The following TBC1D1 variants were observed in gnomAD, a reference collection of about 807,000 sequenced individuals.
TBC1D1 encodes the protein TBC1 (tre-2/USP6, BUB2, cdc16) domain family, member 1.
TBC1D1 carries 89 observed loss-of-function variants against 125.6 expected under a neutral mutation model. The ratio of observed to expected loss-of-function variants is 0.71; its 90% CI spans 0.60 to 0.85. TBC1D1 has a LOEUF of 0.85. Among genes scored for constraint, TBC1D1 ranks in the 40% least tolerant of loss-of-function variants. The pLI is 0.00. For missense variants in TBC1D1, 1,377 were observed against 1,469.2 expected (o/e 0.94, Z 1.03); for synonymous variants, 565 against 564.1 (o/e 1.00, Z -0.02).
chr4:37,965,583 G>T (rs1288990693), intron 2 of TBC1D1, among the ~76,000 whole-genome samples: 2 of 151,982 alleles, frequency 1.3e-5, no homozygotes, highest in Non-Finnish European at 2.9e-5. Context: ...TACTTGTGTT[G>T]TCCCTGAGAA....
At chr4:38,039,977 C>T (rs1018246137) in intron 8 of TBC1D1, among the ~76,000 whole-genome samples, 1 of 151,556 alleles carries the variant, frequency 6.6e-6, no homozygotes, top group African/African-American at 2.4e-5. Flanking sequence ...AAATTATTGT[C>T]TAAGAACCAG....
At chr4:38,045,941 C>A in intron 10 of TBC1D1, 38 bp downstream of exon 10, 1 of 1,556,306 alleles carries the variant, frequency 6.4e-7, no homozygotes, top group Non-Finnish European at 8.9e-7. Context: ...CCTGAAGAAA[C>A]CAACAAATAG....
chr4:37,926,602 A>C (rs577094706), intron 2 of TBC1D1, among the ~76,000 whole-genome samples: 1 of 152,152 alleles, frequency 6.6e-6, no homozygotes, highest in East Asian at 1.9e-4. Flanking sequence ...CCCCACTTCT[A>C]GGTGAGCCCT....
intron 8 of TBC1D1, among the ~76,000 whole-genome samples, chr4:38,039,203 C>T (rs548049492): frequency 3.0e-4 from 43 of 142,578 alleles, no homozygotes; most frequent in Middle Eastern, 3.8e-3. Context: ...CTGCAAGCCC[C>T]GCCTCCCAAG....
intron 2 of TBC1D1, among the ~76,000 whole-genome samples, chr4:38,008,685 A>G (rs994398982): frequency 4.6e-5 from 7 of 152,214 alleles, no homozygotes; most frequent in African/African-American, 1.7e-4. Flanking sequence ...CCTTGGCAAG[A>G]TGTAACACAT....
intron 2 of TBC1D1, among the ~76,000 whole-genome samples, chr4:37,943,331 A>G (rs1002177566): frequency 6.6e-6 from 1 of 152,084 alleles, no homozygotes; most frequent in Non-Finnish European, 1.5e-5. Context: ...TACTCTTCTC[A>G]AGGAGTATCT....
rs1471055444 is a variant in TBC1D1, at chr4:38,014,624, G to T, written c.533G>T (p.Cys178Phe). 1.9e-6 allele frequency: 3 copies of T among 1,613,300 alleles called. No individual in the cohort carries two copies. Among genetic ancestry groups the T allele is most frequent in the Admixed American group, 3.3e-5 (2 of 60,012 alleles). Reference sequence around the variant, plus strand: ...TCCAAGAAGTTCGAGGTGCTCTTCTGCGGCCGCGTGACGGTGGCGCACAAG... The same window carrying T: ...TCCAAGAAGTTCGAGGTGCTCTTCTTCGGCCGCGTGACGGTGGCGCACAAG... Residue 178 changes from cysteine (C) to phenylalanine (F), a missense_variant, in exon 3 of 20, where the codon TGC becomes TTC. By Grantham distance (205) the Cys-to-Phe change is radical. Transcript: ENST00000261439. This position sits in a 1 kb window ranked among gnomAD's most constrained non-coding sequence, Gnocchi z 5.1.
intron 1 of TBC1D1, among the ~76,000 whole-genome samples, chr4:37,899,974 A>AG (rs1715496554): frequency 6.6e-6 from 1 of 150,384 alleles, no homozygotes; most frequent in African/African-American, 2.4e-5. Flanking sequence ...CAAAAGAATT[A>AG]GCCGGGCGCG....
intron 12 of TBC1D1, among the ~76,000 whole-genome samples, chr4:38,069,901 T>C (rs1045657257): frequency 2.6e-5 from 4 of 152,164 alleles, no homozygotes; most frequent in Non-Finnish European, 5.9e-5. Flanking sequence ...GCTCATCAGC[T>C]ATTGTTAGTG....
chr4:37,923,779 A>G (rs1443228669), intron 2 of TBC1D1, among the ~76,000 whole-genome samples: 3 of 150,684 alleles, frequency 2.0e-5, no homozygotes, highest in African/African-American at 7.4e-5. Context: ...TCCCAGGTTC[A>G]AGTGATTCTC....
chr4:38,057,480 A>G (rs887630283), intron 12 of TBC1D1, among the ~76,000 whole-genome samples: 5 of 152,138 alleles, frequency 3.3e-5, no homozygotes, highest in Non-Finnish European at 5.9e-5. Context: ...GATTCTTGCA[A>G]ACTTAGTGAT....
rs560474452 is a variant in TBC1D1, at chr4:38,085,960, A to G, written c.2051-3972A>G. Among the ~76,000 whole-genome samples, 4 of 152,296 alleles carry G rather than the reference A, an allele frequency of 2.6e-5. No individual in the cohort carries two copies. In the South Asian group the frequency reaches 6.2e-4, roughly 24 times the overall value. ...CACGCCTGAAGGAGGACTGATTACA[A>G]ACCAAAGCCTTGTGCCCAGTCTGGA... is the stretch of plus-strand genomic sequence containing the variant. On this transcript the variant is annotated intron_variant, in intron 12 of 19. Transcript: ENST00000261439.
intron 7 of TBC1D1, among the ~76,000 whole-genome samples, chr4:38,035,221 C>T (rs546040292): frequency 6.6e-6 from 1 of 152,166 alleles, no homozygotes; most frequent in Non-Finnish European, 1.5e-5. Context: ...CTTGCCCGTT[C>T]CCTAAGAGTT....
intron 2 of TBC1D1, among the ~76,000 whole-genome samples, chr4:37,979,738 G>A (rs568412683): frequency 1.3e-5 from 2 of 152,296 alleles, no homozygotes; most frequent in East Asian, 1.9e-4. Flanking sequence ...GAAGGGGTGG[G>A]TGTCGGTTGA....
chr4:37,969,722 A>G (rs1194705203), intron 2 of TBC1D1, among the ~76,000 whole-genome samples: 1 of 152,212 alleles, frequency 6.6e-6, no homozygotes, highest in Non-Finnish European at 1.5e-5. Context: ...TCATTCAATC[A>G]TCATCACACA....
chr4:38,026,470 TCAGCAGATTTC>T (rs1745107305), intron 6 of TBC1D1, among the ~76,000 whole-genome samples: 1 of 152,218 alleles, frequency 6.6e-6, no homozygotes, highest in East Asian at 1.9e-4. Flanking sequence ...AGTCCCTGGC[TCAGCAGATTTC>T]CCTCCCTGCC....
intron 6 of TBC1D1, among the ~76,000 whole-genome samples, chr4:38,022,167 T>A (rs1261025513): frequency 6.6e-6 from 1 of 151,966 alleles, no homozygotes; most frequent in Non-Finnish European, 1.5e-5. Flanking sequence ...GAAAACAGGT[T>A]GCAGTTGAGG....
intron 12 of TBC1D1, among the ~76,000 whole-genome samples, chr4:38,077,471 G>C (rs1204664010): frequency 6.6e-6 from 1 of 151,992 alleles, no homozygotes; most frequent in Non-Finnish European, 1.5e-5. Context: ...AATAATTTTG[G>C]GGTTGAAACT....
At chr4:37,938,442 T>C (rs1281603517) in intron 2 of TBC1D1, among the ~76,000 whole-genome samples, 1 of 152,142 alleles carries the variant, frequency 6.6e-6, no homozygotes, top group Admixed American at 6.5e-5. Context: ...AGTGCAAACA[T>C]AAGACACTTT....
Sources: gnomAD v4.1 joint callset for allele counts (sites outside exome capture counted in the v4.1 genomes callset) on GRCh38, gnomAD v4.1.1 for gene constraint, Gnocchi (gnomAD v3.1) non-coding constraint, MANE v1.5 for transcripts, NCBI Gene and HGNC (gene_info 2026-07-23, HGNC 2026-07-21) for gene names.